Variants in CCDC102B observed in about 807,000 individuals in gnomAD.
CCDC102B encodes coiled-coil domain-containing protein 102B.
In CCDC102B, 75 loss-of-function variants were observed where a neutral mutation model predicts 57.4. The ratio of observed to expected loss-of-function variants is 1.31; its 90% CI spans 1.08 to 1.58. CCDC102B has a LOEUF of 1.58. CCDC102B is among the 40% of genes most tolerant of loss of function. The probability of loss-of-function intolerance (pLI) is 0.00; values close to 1 mark genes in which losing one functional copy is unlikely to be tolerated. For missense variants in CCDC102B, 636 were observed against 582.6 expected, an observed-to-expected ratio of 1.09 and a Z score of -0.94; for synonymous variants, 206 against 201.9, an observed-to-expected ratio of 1.02 and a Z score of -0.17.
intron 7 of CCDC102B, among the ~76,000 whole-genome samples, chr18:69,048,688 A>G (rs1322128096): frequency 6.6e-6 from 1 of 152,048 alleles, no homozygotes; most frequent in Non-Finnish European, 1.5e-5. Context: ...AGTTTACAGA[A>G]TAGCATTTCT....
intron 6 of CCDC102B, among the ~76,000 whole-genome samples, chr18:68,997,083 A>T (rs1217633262): frequency 6.6e-6 from 1 of 152,222 alleles, no homozygotes; most frequent in East Asian, 1.9e-4. Context: ...CCTTCCTGCC[A>T]CCATGTAAAG....
chr18:68,845,231 A>G (rs2037807467), intron 3 of CCDC102B, among the ~76,000 whole-genome samples: 1 of 151,922 alleles, frequency 6.6e-6, no homozygotes, highest in Non-Finnish European at 1.5e-5. Context: ...TTTCTTATAA[A>G]TATGTAAATG....
At chr18:68,768,840 A>G (rs1329149562) in intron 2 of CCDC102B, among the ~76,000 whole-genome samples, 1 of 152,122 alleles carries the variant, frequency 6.6e-6, no homozygotes, top group Non-Finnish European at 1.5e-5. Flanking sequence ...TTTCAGGCTG[A>G]TGAGGGAAAT....
chr18:68,827,439 T>C (rs969328594), intron 1 of CCDC102B, among the ~76,000 whole-genome samples: 14 of 152,054 alleles, frequency 9.2e-5, no homozygotes, highest in Non-Finnish European at 1.8e-4. Context: ...TGATTTCCAG[T>C]AGATAAGGCT....
chr18:69,042,339 A>C (rs573308246), intron 7 of CCDC102B, among the ~76,000 whole-genome samples: 6 of 152,218 alleles, frequency 3.9e-5, no homozygotes, highest in African/African-American at 1.4e-4. Flanking sequence ...CTAATCGCTA[A>C]ATCAGCCTGT....
intron 6 of CCDC102B, among the ~76,000 whole-genome samples, chr18:68,989,764 T>C (rs7236829): frequency 0.91 from 139,184 of 152,188 alleles, 64,178 homozygotes; most frequent in South Asian, 0.98. Flanking sequence ...TGTGGACTGG[T>C]GCTACTGTTT....
At chr18:68,928,424 A>T (rs2041551714) in intron 6 of CCDC102B, among the ~76,000 whole-genome samples, 1 of 151,918 alleles carries the variant, frequency 6.6e-6, no homozygotes, top group South Asian at 2.1e-4. Context: ...GCTGAGGAGG[A>T]TCATCAAAAG....
At chr18:69,049,766 T>C (rs1376072216) in intron 7 of CCDC102B, among the ~76,000 whole-genome samples, 4 of 152,072 alleles carry the variant, frequency 2.6e-5, no homozygotes, top group African/African-American at 7.2e-5. Flanking sequence ...AGCCAAGACC[T>C]CTCAGCTTAT....
At chr18:68,943,354 C>A (rs2049440434) in intron 6 of CCDC102B, among the ~76,000 whole-genome samples, 1 of 152,024 alleles carries the variant, frequency 6.6e-6, no homozygotes, top group Non-Finnish European at 1.5e-5. Flanking sequence ...TTGTTCATAT[C>A]TTTGAGAAAA....
At chr18:68,994,123 C>A (rs1290837998) in intron 6 of CCDC102B, among the ~76,000 whole-genome samples, 1 of 151,692 alleles carries the variant, frequency 6.6e-6, no homozygotes, top group African/African-American at 2.4e-5. Flanking sequence ...TTTTATTTAA[C>A]TCATATAAAT....
At chr18:68,781,723 G>A (rs1272004195) in intron 2 of CCDC102B, among the ~76,000 whole-genome samples, 1 of 152,068 alleles carries the variant, frequency 6.6e-6, no homozygotes, top group East Asian at 1.9e-4. Context: ...AAATTGTCTA[G>A]AGCTTATCTG....
At chr18:69,008,992 A>G (rs2051426931) in intron 6 of CCDC102B, among the ~76,000 whole-genome samples, 1 of 152,240 alleles carries the variant, frequency 6.6e-6, no homozygotes, top group Non-Finnish European at 1.5e-5. Flanking sequence ...AATACCAGCA[A>G]CAACAAAACA....
At chr18:68,968,463 A>G (rs1159398846) in intron 6 of CCDC102B, among the ~76,000 whole-genome samples, 1 of 152,196 alleles carries the variant, frequency 6.6e-6, no homozygotes, top group Non-Finnish European at 1.5e-5. Flanking sequence ...TTCAAAATCC[A>G]TTTTAAGTCT....
intron 6 of CCDC102B, among the ~76,000 whole-genome samples, chr18:68,997,411 G>A (rs540607402): frequency 4.3e-4 from 66 of 152,062 alleles, no homozygotes; most frequent in Admixed American, 7.2e-4. Context: ...TTTCCCAGCC[G>A]CCCTTTATTT....
chr18:68,815,551 G>A (rs62100044), intron 1 of CCDC102B, among the ~76,000 whole-genome samples: 61,022 of 151,744 alleles, frequency 0.4, 13,436 homozygotes, highest in East Asian at 0.86. Flanking sequence ...ATTCAATGCC[G>A]TAGATACAGA....
chr18:68,720,075 A>G (rs2032241642), intron 2 of CCDC102B, among the ~76,000 whole-genome samples: 1 of 152,250 alleles, frequency 6.6e-6, no homozygotes, highest in Non-Finnish European at 1.5e-5. Context: ...TAAGAGATAA[A>G]GAGCATATAA....
At chr18:68,943,367 A>G (rs147261130) in intron 6 of CCDC102B, among the ~76,000 whole-genome samples, 260 of 152,188 alleles carry the variant, frequency 1.7e-3, no homozygotes, top group East Asian at 7.0e-3. Flanking sequence ...TGAGAAAACA[A>G]TGGTTTCCTT....
chr18:68,786,108 T>C (rs1199053673), intron 2 of CCDC102B, among the ~76,000 whole-genome samples: 1 of 149,174 alleles, frequency 6.7e-6, no homozygotes, highest in African/African-American at 2.5e-5. Flanking sequence ...TTGCTTGTTT[T>C]TCTCAGGTTT....
chr18:68,919,904 A>C (rs1366201297), intron 6 of CCDC102B, among the ~76,000 whole-genome samples: 1 of 152,114 alleles, frequency 6.6e-6, no homozygotes, highest in Non-Finnish European at 1.5e-5. Context: ...GAATACTTCA[A>C]AATTTTAGTT....
Sources: allele counts gnomAD v4.1 joint callset (sites outside exome capture counted in the v4.1 genomes callset), GRCh38; gene constraint gnomAD v4.1.1; transcripts MANE v1.5; gene names NCBI Gene and HGNC (gene_info 2026-07-23, HGNC 2026-07-21).